Variants in EEPD1 observed in about 807,000 individuals in gnomAD.
EEPD1 encodes the protein endonuclease/exonuclease/phosphatase family domain containing 1, also known as endonuclease/exonuclease/phosphatase family domain-containing protein 1.
A neutral mutation model predicts 46.3 loss-of-function variants in EEPD1; 17 were observed. The observed-to-expected ratio is 0.37, with a 90% CI of 0.25 to 0.55. EEPD1 has a LOEUF of 0.55. Among genes scored for constraint, EEPD1 ranks in the 20% least tolerant of loss-of-function variants. EEPD1 has a pLI of 0.83. For synonymous variants in EEPD1, 313 were observed against 315.6 expected (o/e 0.99, Z 0.09); for missense variants, 673 against 745.6 (o/e 0.90, Z 1.13).
At chr7:36,277,676 A>G (rs1172803810) in intron 3 of EEPD1, among the ~76,000 whole-genome samples, 3 of 152,240 alleles carry the variant, frequency 2.0e-5, no homozygotes, top group African/African-American at 4.8e-5. Flanking sequence ...AGTCCTAAAA[A>G]TAGAAGAAAA....
rs762345552 is a variant in EEPD1 at position 36,155,169 on chromosome 7, G to A, written c.845G>A (p.Arg282Gln). Residue 282 changes from arginine (R) to glutamine (Q), a missense_variant, in exon 2 of 8, where the codon CGA becomes CAA. Transcript: ENST00000242108. ...GAGAAGGCCAACAACCCCGGGGTGC[G>A]AGAGGTGGTGTGCATGACACTCCTG... ...SVEKANNPGV[R>Q]EVVCMTLLEN... 4 of 1,520,354 alleles carry A rather than the reference G, an allele frequency of 2.6e-6. No individual in the cohort carries two copies. Among genetic ancestry groups the A allele is most frequent in the South Asian group, 1.3e-5 (1 of 75,506 alleles). The allele number at this position is 1,520,354 out of a possible 1,614,324, so 94.2% of individuals were successfully genotyped here.
At chr7:36,260,478 A>G (rs1786903413) in intron 3 of EEPD1, among the ~76,000 whole-genome samples, 1 of 152,196 alleles carries the variant, frequency 6.6e-6, no homozygotes, top group African/African-American at 2.4e-5. Context: ...AGGCCACCAT[A>G]TTTACTGAGT....
intron 2 of EEPD1, among the ~76,000 whole-genome samples, chr7:36,166,415 A>G (rs947564160): frequency 3.3e-5 from 5 of 152,220 alleles, no homozygotes; most frequent in African/African-American, 9.7e-5. Flanking sequence ...ACCATTTGCA[A>G]CCACTTAATT....
At chr7:36,175,319 CTCCTGGGCTTAAGTGA>C (rs1259466794) in intron 2 of EEPD1, among the ~76,000 whole-genome samples, 2 of 152,238 alleles carry the variant, frequency 1.3e-5, no homozygotes, top group Non-Finnish European at 2.9e-5. Context: ...CGGCCTCGAA[CTCCTGGGCTTAAGTGA>C]TCCTCCCACC....
chr7:36,198,342 G>GAAAAAAAAAAAAAAAAAAAAA (rs1361024411), intron 2 of EEPD1, among the ~76,000 whole-genome samples: 49 of 33,034 alleles, frequency 1.5e-3, no homozygotes, highest in East Asian at 5.5e-3. Flanking sequence ...AAAAAGAAAA[G>GAAAAAAAAAAAAAAAAAAAAA]AAAAAAAAAA....
In EEPD1 at chr7:36,183,590, G is replaced by T. The variant is rs763924871; in HGVS notation, c.878+28388G>T. ...TTGTTTGTTTTCCTCAGACTCAAAA[G>T]TTTTCCACAATTGTGTACCTTTCTG... On this transcript the variant is annotated intron_variant, in intron 2 of 7. Transcript: ENST00000242108. Among the ~76,000 whole-genome samples, 292 of 152,294 alleles carry T rather than the reference G, an allele frequency of 1.9e-3. 4 individuals are homozygous for T. The highest frequency in any genetic ancestry group is 1.5e-3 in the Non-Finnish European group (101 of 68,010).
At chr7:36,179,002 G>A (rs1004855418) in intron 2 of EEPD1, among the ~76,000 whole-genome samples, 1 of 152,208 alleles carries the variant, frequency 6.6e-6, no homozygotes, top group African/African-American at 2.4e-5. Flanking sequence ...GGCATTTGGC[G>A]GGATGGTACT....
chr7:36,270,447 A>G (rs1235793481), intron 3 of EEPD1, among the ~76,000 whole-genome samples: 2 of 152,078 alleles, frequency 1.3e-5, no homozygotes, highest in Admixed American at 6.6e-5. Context: ...TCCTAATGCT[A>G]TCCCTCCCTA....
chr7:36,299,115 C>T lies in EEPD1; in HGVS notation c.1619C>T (p.Thr540Ile), dbSNP rs186555661. 4.3e-6 allele frequency: 7 copies of T among 1,611,518 alleles called. No individual in the cohort carries two copies. In the South Asian group the frequency reaches 6.6e-5, roughly 15 times the overall value. ...EHCPVLAEFY[T>I]EKDWSKKDAP... is the part of the protein sequence containing the mutation. ...TGCCCAGTGCTAGCCGAGTTCTACA[C>T]TGAAAAGGACTGGAGCAAGAAGGAT... Residue 540 changes from threonine to isoleucine, a missense_variant, in exon 8 of 8, where the codon ACT (threonine) becomes ATT (isoleucine). Coordinates refer to ENST00000242108, the MANE Select transcript of EEPD1 (RefSeq NM_030636.3).
At chr7:36,182,345 G>A (rs138130711) in intron 2 of EEPD1, among the ~76,000 whole-genome samples, 204 of 152,320 alleles carry the variant, frequency 1.3e-3, no homozygotes, top group African/African-American at 4.7e-3. Context: ...GAGATCCTGC[G>A]TAGACACCAA....
At chr7:36,168,636 C>T (rs2700915) in intron 2 of EEPD1, among the ~76,000 whole-genome samples, 115,005 of 151,824 alleles carry the variant, frequency 0.76, 44,007 homozygotes, top group Middle Eastern at 0.81. Context: ...CAGGCACCTG[C>T]AGTCCCAGCT....
intron 2 of EEPD1, among the ~76,000 whole-genome samples, chr7:36,155,644 A>G (rs1317894681): frequency 1.3e-5 from 2 of 152,214 alleles, no homozygotes; most frequent in Non-Finnish European, 2.9e-5. Flanking sequence ...AAATCATCTT[A>G]AAGGCCAAGT....
chr7:36,286,340 G>A (rs2115881381), intron 5 of EEPD1, among the ~76,000 whole-genome samples: 1 of 152,322 alleles, frequency 6.6e-6, no homozygotes, highest in East Asian at 1.9e-4. Context: ...TCTCTAGCAG[G>A]CAGAGCTGCA....
intron 2 of EEPD1, among the ~76,000 whole-genome samples, chr7:36,159,048 G>A (rs186479387): frequency 8.5e-5 from 13 of 152,344 alleles, no homozygotes; most frequent in Admixed American, 2.6e-4. Context: ...GTGGATTAAT[G>A]CCTAGCAACA....
intron 3 of EEPD1, among the ~76,000 whole-genome samples, chr7:36,276,631 T>C (rs1472448852): frequency 6.6e-6 from 1 of 152,192 alleles, no homozygotes; most frequent in African/African-American, 2.4e-5. Context: ...AAAGCTGTCT[T>C]CCCAGGCCAC....
At chr7:36,172,460 T>A (rs1256318953) in intron 2 of EEPD1, among the ~76,000 whole-genome samples, 1 of 152,184 alleles carries the variant, frequency 6.6e-6, no homozygotes, top group Non-Finnish European at 1.5e-5. Flanking sequence ...CTGTGCCCCT[T>A]CTGCCGTACC....
intron 2 of EEPD1, among the ~76,000 whole-genome samples, chr7:36,213,811 C>T (rs1168045157): frequency 6.6e-6 from 1 of 152,142 alleles, no homozygotes; most frequent in East Asian, 1.9e-4. Context: ...CGTGTACCCC[C>T]CCGGATTGTC....
At chr7:36,196,411 C>CTCTCCCA (rs1479011364) in intron 2 of EEPD1, among the ~76,000 whole-genome samples, 1 of 148,786 alleles carries the variant, frequency 6.7e-6, no homozygotes, top group Non-Finnish European at 1.5e-5. Context: ...CTCCCTCTCC[C>CTCTCCCA]TCTCCCATCT....
intron 3 of EEPD1, among the ~76,000 whole-genome samples, chr7:36,257,772 C>T (rs196557): frequency 0.24 from 35,929 of 152,072 alleles, 4,424 homozygotes; most frequent in East Asian, 0.38. Context: ...TTAGAACATG[C>T]TCCTTTAGCT....
Sources: gnomAD v4.1 joint callset for allele counts (sites outside exome capture counted in the v4.1 genomes callset) on GRCh38, gnomAD v4.1.1 for gene constraint, MANE v1.5 for transcripts, NCBI Gene and HGNC (gene_info 2026-07-23, HGNC 2026-07-21) for gene names.